Variants in DSCAML1 observed in about 807,000 individuals in gnomAD.
DSCAML1 encodes cell adhesion molecule DSCAML1.
A neutral mutation model predicts 200.5 loss-of-function variants in DSCAML1; 38 were observed. The ratio of observed to expected loss-of-function variants is 0.19; its 90% CI spans 0.15 to 0.25. DSCAML1 has a LOEUF of 0.25. Ranked by LOEUF, DSCAML1 falls within the 10% of genes least tolerant of loss-of-function variation. The pLI, the probability that DSCAML1 is intolerant of heterozygous loss-of-function variation, is 1.00. For synonymous variants in DSCAML1, 1,215 were observed against 1,165.0 expected, an observed-to-expected ratio of 1.04 and a Z score of -0.87; for missense variants, 2,223 against 2,858.8, an observed-to-expected ratio of 0.78 and a Z score of 5.07.
intron 3 of DSCAML1, among the ~76,000 whole-genome samples, chr11:117,631,442 C>T (rs987928258): frequency 6.6e-6 from 1 of 152,212 alleles, no homozygotes; most frequent in Non-Finnish European, 1.5e-5. Flanking sequence ...CCAATGTTCA[C>T]CTGGCACACC....
rs983223656 is a variant in DSCAML1, at chr11:117,503,653, G to A, written c.2359+192C>T. Among the ~76,000 whole-genome samples the A allele has an allele frequency of 2.6e-5, 4 of 152,172 alleles. No individual in the cohort carries two copies. The highest frequency in any genetic ancestry group is 9.7e-5 in the African/African-American group (4 of 41,438). On this transcript the variant is annotated intron_variant, in intron 11 of 32. Coordinates refer to ENST00000651296, the MANE Select transcript of DSCAML1 (RefSeq NM_020693.4). The surrounding 1 kb of genome is among the most constrained non-coding windows in gnomAD (Gnocchi z 5.2). The stretch of plus-strand genomic sequence containing the variant: ...GTGAGTTGGGGCCTCTCAGGGTGAG[G>A]CCGCTGTTTTAGATGACAGTGCTTT...
intron 11 of DSCAML1, among the ~76,000 whole-genome samples, chr11:117,483,862 T>G: frequency 6.6e-6 from 1 of 152,106 alleles, no homozygotes; most frequent in East Asian, 1.9e-4. Context: ...GGGGAGGGGC[T>G]GTCATTGGCT....
At chr11:117,664,607 G>A (rs559053038) in intron 3 of DSCAML1, among the ~76,000 whole-genome samples, 3 of 152,358 alleles carry the variant, frequency 2.0e-5, no homozygotes, top group African/African-American at 7.2e-5. Context: ...AAAAAGGGTA[G>A]GGGGCACTTA....
chr11:117,634,776 G>A lies in DSCAML1; in HGVS notation c.512-102254C>T, dbSNP rs139445909. 1.5e-3 allele frequency among the ~76,000 whole-genome samples: 228 copies of A among 152,294 alleles called. 1 individual carries two copies. Among genetic ancestry groups the A allele is most frequent in the African/African-American group, 5.4e-3 (223 of 41,560 alleles). The stretch of plus-strand genomic sequence containing the variant: ...GTGGTCCCCTACTCCTCGAGGCTGC[G>A]GTCGTGGTGGTGGGTCGCAGGTTGG... On this transcript the variant is annotated intron_variant, in intron 3 of 32. Transcript: ENST00000651296.
At position 117,686,910 on chromosome 11, in the gene DSCAML1, C is replaced by T. The variant is rs565109810; in HGVS notation, c.511+89881G>A. 5.3e-5 allele frequency among the ~76,000 whole-genome samples: 8 copies of T among 152,306 alleles called. No homozygotes were observed. The South Asian group carries it at 6.2e-4, about 12-fold the overall frequency. ...ATCTTTACACTTTGGATCCAAGAAC[C>T]GGTGACTCAGGCACTAAGTGGGAAA... On this transcript the variant is annotated intron_variant, in intron 3 of 32. Transcript: ENST00000651296.
At chr11:117,767,590 C>A (rs61903859) in intron 3 of DSCAML1, among the ~76,000 whole-genome samples, 11,312 of 152,216 alleles carry the variant, frequency 0.074, 438 homozygotes, top group Middle Eastern at 0.092. Flanking sequence ...CCTTTCTCAC[C>A]AAAGCAAACA....
intron 3 of DSCAML1, among the ~76,000 whole-genome samples, chr11:117,644,779 C>T (rs544755885): frequency 6.6e-6 from 1 of 152,348 alleles, no homozygotes; most frequent in African/African-American, 2.4e-5. Context: ...AGCCCCTGTG[C>T]GGTAGACTCC....
At chr11:117,722,055 TCTC>T (rs780117933) in intron 3 of DSCAML1, among the ~76,000 whole-genome samples, 8 of 152,078 alleles carry the variant, frequency 5.3e-5, no homozygotes, top group Non-Finnish European at 1.0e-4. Context: ...GACCATTAAT[TCTC>T]CTTGCAAGTG....
intron 3 of DSCAML1, among the ~76,000 whole-genome samples, chr11:117,633,956 G>T (rs1333221911): frequency 6.6e-6 from 1 of 152,184 alleles, no homozygotes; most frequent in Non-Finnish European, 1.5e-5. Flanking sequence ...TGCCTGAGGG[G>T]CCAGATTCAA....
intron 14 of DSCAML1, among the ~76,000 whole-genome samples, chr11:117,478,227 A>T (rs2048836169): frequency 6.6e-6 from 1 of 152,152 alleles, no homozygotes; most frequent in Non-Finnish European, 1.5e-5. Context: ...GGCTGTGGGC[A>T]TCAGGGCAGC....
At position 117,516,523 on chromosome 11, in the gene DSCAML1, C is replaced by G; in HGVS notation, c.1727G>C (p.Ser576Thr). ...KGMDEGEYLC[S>T]VLIQPQLSIS... is the part of the protein sequence containing the mutation. Reference sequence around the variant, plus strand: ...GGAGAGCTGGGGCTGGATGAGGACACTGCACAGGTACTCCCCCTCATCCAT... The same window carrying G: ...GGAGAGCTGGGGCTGGATGAGGACAGTGCACAGGTACTCCCCCTCATCCAT... Residue 576 changes from serine (S) to threonine (T), a missense_variant, in exon 8 of 33, where the codon AGT becomes ACT. By Grantham distance (58) the Ser-to-Thr change is moderately conservative. Transcript: ENST00000651296. This position sits in a 1 kb window ranked among gnomAD's most constrained non-coding sequence, Gnocchi z 5.7. 6.2e-7 allele frequency: 1 copy of G among 1,614,034 alleles called. No homozygotes were observed.
At chr11:117,593,714 T>G (rs1373366587) in intron 3 of DSCAML1, among the ~76,000 whole-genome samples, 1 of 56,030 alleles carries the variant, frequency 1.8e-5, no homozygotes, top group East Asian at 3.0e-4. Flanking sequence ...ATTTCTTGTT[T>G]TTTTTTTTTT....
chr11:117,766,002 TTCTCA>T (rs1413519032), intron 3 of DSCAML1, among the ~76,000 whole-genome samples: 1 of 152,248 alleles, frequency 6.6e-6, no homozygotes, highest in East Asian at 1.9e-4. Context: ...TGCCCCTTCA[TTCTCA>T]TCCATCCCAT....
At chr11:117,611,391 G>A (rs1288282485) in intron 3 of DSCAML1, 1 of 152,174 alleles carries the variant, frequency 6.6e-6, no homozygotes, top group Non-Finnish European at 1.5e-5. Flanking sequence ...GGCTTGTGGG[G>A]TCATCTGATA....
intron 3 of DSCAML1, among the ~76,000 whole-genome samples, chr11:117,699,366 G>A (rs914995810): frequency 6.6e-6 from 1 of 152,182 alleles, no homozygotes; most frequent in African/African-American, 2.4e-5. Flanking sequence ...TTAGGTCCAG[G>A]CGAGTGGCTC....
chr11:117,609,035 C>CAAACAA (rs747841159), intron 3 of DSCAML1, among the ~76,000 whole-genome samples: 2 of 110,866 alleles, frequency 1.8e-5, no homozygotes, highest in African/African-American at 3.6e-5. Context: ...AACAAACAAA[C>CAAACAA]AAAAAAAACA....
At chr11:117,680,697 C>T (rs529781218) in intron 3 of DSCAML1, among the ~76,000 whole-genome samples, 1 of 152,280 alleles carries the variant, frequency 6.6e-6, no homozygotes, top group Admixed American at 6.5e-5. Flanking sequence ...GTAAGGACAG[C>T]CTCTCCAGGG....
chr11:117,742,866 C>A (rs978407526), intron 3 of DSCAML1, among the ~76,000 whole-genome samples: 1 of 152,168 alleles, frequency 6.6e-6, no homozygotes, highest in South Asian at 2.1e-4. Flanking sequence ...CCTTGACATA[C>A]CCAGAGACCT....
At chr11:117,478,877 G>GC (rs2048850777) in intron 14 of DSCAML1, among the ~76,000 whole-genome samples, 1 of 152,146 alleles carries the variant, frequency 6.6e-6, no homozygotes, top group Non-Finnish European at 1.5e-5. Context: ...GTTGGCTGAC[G>GC]CCCCTCCTTG....
Sources: allele counts gnomAD v4.1 joint callset (sites outside exome capture counted in the v4.1 genomes callset), GRCh38; gene constraint gnomAD v4.1.1; non-coding constraint Gnocchi (gnomAD v3.1); transcripts MANE v1.5; gene names NCBI Gene and HGNC (gene_info 2026-07-23, HGNC 2026-07-21).